KAT6A: variants seen among roughly 807,000 people sequenced by gnomAD.
KAT6A encodes the protein histone acetyltransferase KAT6A.
A neutral mutation model predicts 198.4 loss-of-function variants in KAT6A; 9 were observed. The ratio of observed to expected loss-of-function variants is 0.05; its 90% CI spans 0.03 to 0.08. The LOEUF is 0.08. Among genes scored for constraint, KAT6A ranks in the 10% least tolerant of loss-of-function variants. KAT6A has a pLI of 1.00. For synonymous variants in KAT6A, 890 were observed against 883.0 expected (o/e 1.01, Z -0.14); for missense variants, 2,077 against 2,509.9 (o/e 0.83, Z 3.69).
At chr8:42,008,377 G>A (rs1204295166) in intron 2 of KAT6A, among the ~76,000 whole-genome samples, 7 of 151,908 alleles carry the variant, frequency 4.6e-5, no homozygotes, top group East Asian at 3.9e-4. Context: ...TCACTCTGTC[G>A]CCCAGGCTGG....
chr8:41,941,419 T>A lies in KAT6A; in HGVS notation c.2462A>T (p.Asn821Ile). The A allele has an allele frequency of 6.2e-7, 1 of 1,601,950 alleles. No homozygotes were observed. Among genetic ancestry groups the A allele is most frequent in the South Asian group, 1.1e-5 (1 of 89,518 alleles). ...TACTGAATAAGAATCTTGTTCTTTG[T>A]TCTCATGAGACACAGACTTTCCCAC... is the stretch of plus-strand genomic sequence containing the variant. ...ISVGKSVSHE[N>I]KEQDSYSVES... The change falls in exon 15 of 17, where the codon AAC becomes ATC. Residue 821 changes from asparagine (N) to isoleucine (I), a missense_variant. Physicochemically the swap from Asn to Ile is moderately radical, Grantham distance 149. Around this residue, in one of 13 missense-constraint regions of KAT6A, gnomAD observed 301 missense variants for 272.2 expected, o/e 1.11. Coordinates refer to ENST00000265713, the MANE Select transcript of KAT6A (RefSeq NM_006766.5).
intron 8 of KAT6A, among the ~76,000 whole-genome samples, chr8:41,961,801 T>TC (rs925035832): frequency 1.3e-4 from 20 of 150,114 alleles, no homozygotes; most frequent in African/African-American, 4.7e-4. Context: ...CACAGCTCTA[T>TC]CCAACTCTCC....
At chr8:41,979,051 T>C (rs1587774013) in intron 5 of KAT6A, among the ~76,000 whole-genome samples, 1 of 152,194 alleles carries the variant, frequency 6.6e-6, no homozygotes, top group East Asian at 1.9e-4. Context: ...GTGGATCACC[T>C]GAGGTCAGGA....
chr8:41,951,397 A>T (rs1564018071), intron 9 of KAT6A, among the ~76,000 whole-genome samples: 3 of 152,172 alleles, frequency 2.0e-5, no homozygotes, highest in Non-Finnish European at 4.4e-5. Flanking sequence ...TATTATAAAC[A>T]ACTGCTGTTC....
chr8:42,048,404 A>G lies in KAT6A; in HGVS notation c.574T>C (p.Ser192Pro). The G allele has an allele frequency of 6.2e-7, 1 of 1,614,152 alleles. No individual in the cohort carries two copies. Among genetic ancestry groups the G allele is most frequent in the Non-Finnish European group, 8.5e-7 (1 of 1,179,964 alleles). Reference sequence around the variant, plus strand: ...TTATCCTTTTCATGTGGAAGAAGGGACACTGGAGGTAAACAGGAAAGAGAC... The same window carrying G: ...TTATCCTTTTCATGTGGAAGAAGGGGCACTGGAGGTAAACAGGAAAGAGAC... The part of the protein sequence containing the change: ...CESLSCLPPV[S>P]LLPHEKDKPV... Residue 192 changes from serine (S) to proline (P), a missense_variant, in exon 2 of 17, where the codon TCC (serine) becomes CCC (proline). Physicochemically the swap from Ser to Pro is moderately conservative, Grantham distance 74. This residue lies in a region of KAT6A where 185 missense variants were observed against 185.7 expected (regional missense o/e 1.00). Transcript: ENST00000265713.
At chr8:42,041,000 G>A (rs914600896) in intron 2 of KAT6A, among the ~76,000 whole-genome samples, 1 of 151,454 alleles carries the variant, frequency 6.6e-6, no homozygotes, top group Non-Finnish European at 1.5e-5. Context: ...TTTGAGATTC[G>A]TCTGGCCAAC....
intron 8 of KAT6A, among the ~76,000 whole-genome samples, chr8:41,959,882 G>A (rs895762955): frequency 1.3e-5 from 2 of 152,018 alleles, no homozygotes; most frequent in African/African-American, 2.4e-5. Flanking sequence ...CTTGAACCCG[G>A]GAGGCAGAGG....
intron 14 of KAT6A, 137 bp from the exon 15 acceptor site, chr8:41,941,581 G>A: frequency 1.2e-6 from 1 of 856,904 alleles, no homozygotes; most frequent in South Asian, 1.9e-5. Flanking sequence ...TATTTAACAT[G>A]GATATTTCCT....
intron 2 of KAT6A, among the ~76,000 whole-genome samples, chr8:42,013,358 C>T (rs1053145194): frequency 6.6e-6 from 1 of 151,368 alleles, no homozygotes. Context: ...CGGGTTCAAG[C>T]GATTCTCCTG....
intron 2 of KAT6A, among the ~76,000 whole-genome samples, chr8:42,013,070 G>GTT (rs75768574): frequency 1.8e-4 from 25 of 139,852 alleles, no homozygotes; most frequent in East Asian, 2.1e-4. Context: ...CAAAAGTCAA[G>GTT]TTTTTTTTTT....
chr8:41,942,598 T>C (rs899680859), intron 14 of KAT6A, 195 bp downstream of exon 14: 7 of 627,436 alleles, frequency 1.1e-5, no homozygotes, highest in Non-Finnish European at 1.6e-5. Context: ...CTCCTCCTAA[T>C]TGTCCAAGGC....
At chr8:41,942,689 A>ATTTAC (rs1170833859) in intron 14 of KAT6A, 104 bp downstream of exon 14, 1 of 1,265,906 alleles carries the variant, frequency 7.9e-7, no homozygotes, top group Non-Finnish European at 1.1e-6. Context: ...TCTAATGTGA[A>ATTTAC]TTTACTTTTC....
chr8:41,967,274 A>AAATTTATTTATTTATTTATTT (rs544924028), intron 8 of KAT6A, among the ~76,000 whole-genome samples: 2 of 142,798 alleles, frequency 1.4e-5, no homozygotes, highest in East Asian at 4.0e-4. Flanking sequence ...TAAAAAAAAA[A>AAATTTATTTATTTATTTATTT]ATTTATTTAT....
chr8:41,958,263 A>G (rs954055157), intron 8 of KAT6A: 1 of 152,164 alleles, frequency 6.6e-6, no homozygotes, highest in Non-Finnish European at 1.5e-5. Flanking sequence ...TGGAGCACCT[A>G]TTGTGCTAGA....
At chr8:41,942,339 G>T (rs148425672) in intron 14 of KAT6A, 250 of 236,750 alleles carry the variant, frequency 1.1e-3, no homozygotes, top group African/African-American at 5.3e-3. Flanking sequence ...TAGAGATGGG[G>T]TCTCACTATA....
chr8:41,969,994 C>T (rs1355149815), intron 8 of KAT6A, among the ~76,000 whole-genome samples: 1 of 152,098 alleles, frequency 6.6e-6, no homozygotes, highest in African/African-American at 2.4e-5. Flanking sequence ...ACACTCCAAC[C>T]CCAACCCTCA....
At chr8:42,004,780 T>C (rs1392349837) in intron 2 of KAT6A, among the ~76,000 whole-genome samples, 1 of 151,826 alleles carries the variant, frequency 6.6e-6, no homozygotes, top group African/African-American at 2.4e-5. Context: ...ACAAAAATAT[T>C]AGCCGGGTGT....
intron 12 of KAT6A, among the ~76,000 whole-genome samples, chr8:41,945,147 T>C (rs1008474777): frequency 6.6e-6 from 1 of 152,344 alleles, no homozygotes; most frequent in Non-Finnish European, 1.5e-5. Context: ...CAATTTTCTC[T>C]ATCATTCACT....
intron 3 of KAT6A, among the ~76,000 whole-genome samples, chr8:41,985,401 C>A (rs1181227225): frequency 1.3e-5 from 2 of 152,212 alleles, no homozygotes; most frequent in Non-Finnish European, 1.5e-5. Flanking sequence ...GACTCCTTTG[C>A]AGCTAGGCTC....
Sources: gnomAD v4.1 joint callset for allele counts (sites outside exome capture counted in the v4.1 genomes callset) on GRCh38, gnomAD v4.1.1 for gene constraint, gnomAD v4.1.1 regional missense constraint, MANE v1.5 for transcripts, NCBI Gene and HGNC (gene_info 2026-07-23, HGNC 2026-07-21) for gene names.